LIX1L: variants seen among roughly 807,000 people sequenced by gnomAD.
LIX1L encodes limb and CNS expressed 1 like, also known as LIX1-like protein.
LIX1L carries 20 observed loss-of-function variants against 34.0 expected under a neutral mutation model. The observed-to-expected ratio is 0.59, with a 90% CI of 0.41 to 0.85. The LOEUF (loss-of-function observed/expected upper bound fraction) is 0.85. LIX1L is among the 40% of genes least tolerant of loss of function. The pLI, the probability that LIX1L is intolerant of heterozygous loss-of-function variation, is 0.00. For missense variants in LIX1L, 397 were observed against 447.0 expected (o/e 0.89, Z 1.01); for synonymous variants, 170 against 187.4 (o/e 0.91, Z 0.76).
At chr1:145,957,264 G>A (rs192938379) in intron 1 of LIX1L, among the ~76,000 whole-genome samples, 6 of 152,300 alleles carry the variant, frequency 3.9e-5, no homozygotes, top group Admixed American at 2.0e-4. Flanking sequence ...GGGTATGGAT[G>A]AGAAATTGGA....
chr1:145,945,917 C>T (rs587731189), intron 2 of LIX1L, among the ~76,000 whole-genome samples: 1 of 138,670 alleles, frequency 7.2e-6, no homozygotes, highest in Admixed American at 7.4e-5. Context: ...GAAACCCTGT[C>T]TCTACTAAAA....
chr1:145,952,225 T>C (rs1010127960), intron 1 of LIX1L, among the ~76,000 whole-genome samples: 18 of 152,346 alleles, frequency 1.2e-4, no homozygotes, highest in African/African-American at 4.3e-4. Flanking sequence ...CTGAGCTTCA[T>C]GGAGGTTCAC....
At chr1:145,938,491 T>C (rs1553758108) in intron 3 of LIX1L, among the ~76,000 whole-genome samples, 2 of 152,224 alleles carry the variant, frequency 1.3e-5, no homozygotes, top group African/African-American at 4.8e-5. Flanking sequence ...TGTTCTTCAG[T>C]TTCCTCTTCT....
rs1425866867 is a variant in LIX1L, at chr1:145,936,232, C to CA, written c.*77dup. 1.1e-5 allele frequency: 17 copies of CA among 1,496,262 alleles called. No homozygotes were observed. The highest frequency in any genetic ancestry group is 1.4e-5 in the African/African-American group (1 of 71,050). The allele number at this position is 1,496,262 out of a possible 1,614,324, so 92.7% of individuals were successfully genotyped here. Reference sequence around the variant, plus strand: ...AAGTATAAAAATGAGAAAGTATGTACAAAAAATCATCCTAAATCTTAGAAA... The same window carrying CA: ...AAGTATAAAAATGAGAAAGTATGTACAAAAAAATCATCCTAAATCTTAGAAA... On this transcript the variant is annotated 3_prime_UTR_variant, in exon 6 of 6. Transcript: ENST00000604000.
chr1:145,938,982 C>CTT (rs782308276), intron 3 of LIX1L, among the ~76,000 whole-genome samples: 10 of 136,818 alleles, frequency 7.3e-5, no homozygotes, highest in African/African-American at 5.3e-5. Flanking sequence ...AAATACTGTA[C>CTT]TTTTTTTTTT....
Position 145,935,459 on chromosome 1 carries a change from G to GGGAAATAT in LIX1L, c.*843_*850dup, listed in dbSNP as rs1553757631. ...TCCAAAAAATAAAATGTTAGGTGAA[G>GGGAAATAT]GGAAATATGGAAATATGTTTTACTT... On this transcript the variant is annotated 3_prime_UTR_variant, in exon 6 of 6. Coordinates refer to ENST00000604000, the MANE Select transcript of LIX1L (RefSeq NM_153713.3). 2.6e-5 allele frequency: 4 copies of GGGAAATAT among 152,504 alleles called. No individual in the cohort carries two copies. Among genetic ancestry groups the GGGAAATAT allele is most frequent in the African/African-American group, 9.6e-5 (4 of 41,588 alleles). The allele number at this position is 152,504 out of a possible 1,614,324, so 9.4% of individuals were successfully genotyped here.
intron 1 of LIX1L, 92 bp downstream of exon 1, chr1:145,957,544 G>T: frequency 7.5e-7 from 1 of 1,341,676 alleles, no homozygotes. Context: ...TGCATGTGAG[G>T]GCTCCACGCC....
In LIX1L at chr1:145,936,404, A is replaced by C. The variant is rs781831322; in HGVS notation, c.920T>G (p.Leu307Arg). Reference sequence around the variant, plus strand: ...GTGGAAGCGCAGCTCCTTGCCTGCCAGTCGGGCTTCATCCAGCTCCCGCTC... The same window carrying C: ...GTGGAAGCGCAGCTCCTTGCCTGCCCGTCGGGCTTCATCCAGCTCCCGCTC... ...STERELDEAR[L>R]AGKELRFHKE... The change falls in exon 6 of 6, where the codon CTG becomes CGG. Residue 307 changes from leucine to arginine, a missense_variant. By Grantham distance (102) the Leu-to-Arg change is moderately radical. Transcript: ENST00000604000. 36 of 1,614,082 alleles carry C rather than the reference A, an allele frequency of 2.2e-5. No individual in the cohort carries two copies. The South Asian group carries it at 2.7e-4, about 12-fold the overall frequency.
chr1:145,946,229 C>T (rs1405715681), intron 2 of LIX1L, among the ~76,000 whole-genome samples: 3 of 144,122 alleles, frequency 2.1e-5, no homozygotes, highest in Non-Finnish European at 4.5e-5. Flanking sequence ...GCCAGAGTCT[C>T]ACTCTGTTGC....
Position 145,936,193 on chromosome 1 carries a change from A to G in LIX1L, c.*117T>C. 8.7e-7 allele frequency: 1 copy of G among 1,149,198 alleles called. No individual in the cohort carries two copies. Among genetic ancestry groups the G allele is most frequent in the Non-Finnish European group, 1.2e-6 (1 of 831,184 alleles). The allele number at this position is 1,149,198 out of a possible 1,614,324, so 71.2% of individuals were successfully genotyped here. A position where few individuals can be genotyped will look rare whatever the true frequency, so the allele number is the denominator to read the frequency against. Reference sequence around the variant, plus strand: ...GAATCTAGGTGTAGAATTTATACACATATATATTTTTTAAAGTATAAAAAT... The same window carrying G: ...GAATCTAGGTGTAGAATTTATACACGTATATATTTTTTAAAGTATAAAAAT... On this transcript the variant is annotated 3_prime_UTR_variant, in exon 6 of 6. Coordinates refer to ENST00000604000, the MANE Select transcript of LIX1L (RefSeq NM_153713.3).
chr1:145,937,954 C>T (rs1020800824), intron 3 of LIX1L, among the ~76,000 whole-genome samples: 15 of 151,852 alleles, frequency 9.9e-5, no homozygotes, highest in African/African-American at 3.1e-4. Context: ...ATGGTGAAAC[C>T]GTGTCTCTAC....
intron 1 of LIX1L, among the ~76,000 whole-genome samples, chr1:145,949,275 G>A (rs1553759534): frequency 6.6e-6 from 1 of 152,148 alleles, no homozygotes; most frequent in African/African-American, 2.4e-5. Flanking sequence ...GTTCTATAAA[G>A]GAGTGATAGA....
chr1:145,952,089 A>C (rs1318600535), intron 1 of LIX1L, among the ~76,000 whole-genome samples: 1 of 152,208 alleles, frequency 6.6e-6, no homozygotes, highest in Non-Finnish European at 1.5e-5. Context: ...CTGGCTAAGA[A>C]AGAACAGAAG....
At chr1:145,937,014 A>G in intron 4 of LIX1L, 29 bp from the exon 5 acceptor site, 1 of 1,511,510 alleles carries the variant, frequency 6.6e-7, no homozygotes, top group Non-Finnish European at 9.2e-7. Flanking sequence ...AAGTACCAGG[A>G]CAGTGATTTT....
rs782285183 is a variant in LIX1L at position 145,936,265 on chromosome 1, TA to T, written c.*44del. 5.0e-6 allele frequency: 8 copies of T among 1,590,488 alleles called. No homozygotes were observed. Among genetic ancestry groups the T allele is most frequent in the Admixed American group, 1.8e-5 (1 of 56,446 alleles). ...CATCCTAAATCTTAGAAAGGAGACATAAAAAAAGGCTGTGGAAAGCCTGGGG... is the reference window on the plus strand; with the variant it reads ...CATCCTAAATCTTAGAAAGGAGACATAAAAAAGGCTGTGGAAAGCCTGGGG... On this transcript the variant is annotated 3_prime_UTR_variant, in exon 6 of 6. Transcript: ENST00000604000.
intron 2 of LIX1L, chr1:145,947,317 G>A: frequency 6.2e-6 from 2 of 320,658 alleles, no homozygotes; most frequent in Non-Finnish European, 1.2e-5. Flanking sequence ...GAAGAAAGTT[G>A]GAATGCAATA....
chr1:145,955,215 C>A (rs1246998196), intron 1 of LIX1L, among the ~76,000 whole-genome samples: 2 of 152,208 alleles, frequency 1.3e-5, no homozygotes, highest in Non-Finnish European at 2.9e-5. Flanking sequence ...CCATGCACTA[C>A]AAACTTATCA....
At position 145,947,726 on chromosome 1, in the gene LIX1L, C is replaced by T; in HGVS notation, c.349G>A (p.Asp117Asn). ...ACCACTAGAGCCCCATTCTTTAAGT[C>T]AGCACCACGGGACTGCTTCATCTGC... ...FWQMKQSRGA[D>N]LKNGALVVYE... is the part of the protein sequence containing the mutation. Residue 117 changes from aspartate to asparagine, a missense_variant, in exon 2 of 6, where the codon GAC (aspartate) becomes AAC (asparagine). By Grantham distance (23) the Asp-to-Asn change is conservative. Around this residue, in one of 3 missense-constraint regions of LIX1L, gnomAD observed 207 missense variants for 205.2 expected, o/e 1.01. Transcript: ENST00000604000. 5 of 1,614,146 alleles carry T rather than the reference C, an allele frequency of 3.1e-6. No individual in the cohort carries two copies. Among genetic ancestry groups the T allele is most frequent in the Non-Finnish European group, 4.2e-6 (5 of 1,180,036 alleles).
At chr1:145,952,646 C>T (rs1350530392) in intron 1 of LIX1L, among the ~76,000 whole-genome samples, 2 of 151,216 alleles carry the variant, frequency 1.3e-5, no homozygotes, top group Non-Finnish European at 2.9e-5. Flanking sequence ...AAGTCTTGCT[C>T]TGTCGCCCAG....
Sources: allele counts gnomAD v4.1 joint callset (sites outside exome capture counted in the v4.1 genomes callset), GRCh38; gene constraint gnomAD v4.1.1; regional missense constraint gnomAD v4.1.1; transcripts MANE v1.5; gene names NCBI Gene and HGNC (gene_info 2026-07-23, HGNC 2026-07-21).